ANKRD13A: variants seen among roughly 807,000 people sequenced by gnomAD.
ANKRD13A encodes ankyrin repeat domain 13A.
ANKRD13A carries 48 observed loss-of-function variants against 81.3 expected under a neutral mutation model. That is an observed-to-expected ratio of 0.59 (90% confidence interval 0.47 to 0.75). ANKRD13A has a LOEUF of 0.75. Ranked by LOEUF, ANKRD13A falls within the 30% of genes least tolerant of loss-of-function variation. The pLI is 0.00. For synonymous variants in ANKRD13A, 230 were observed against 270.1 expected, an observed-to-expected ratio of 0.85 and a Z score of 1.45; for missense variants, 612 against 734.0, an observed-to-expected ratio of 0.83 and a Z score of 1.92.
chr12:110,035,371 A>G (rs1891971059), intron 13 of ANKRD13A, among the ~76,000 whole-genome samples: 1 of 152,156 alleles, frequency 6.6e-6, no homozygotes, highest in African/African-American at 2.4e-5. Flanking sequence ...TTGGGAAGCC[A>G]AGATGGGAGG....
At position 110,018,536 on chromosome 12, in the gene ANKRD13A, G is replaced by C; in HGVS notation, c.544+48G>C. 1 of 1,587,486 alleles carries C rather than the reference G, an allele frequency of 6.3e-7. No homozygotes were observed. Among genetic ancestry groups the C allele is most frequent in the Non-Finnish European group, 8.6e-7 (1 of 1,162,118 alleles). ...ATCACTGCTCAAGCAAAATTACAGG[G>C]TGATTTTTAACCAAGAAAATGCTTT... On this transcript the variant is annotated intron_variant, in intron 5 of 14. Coordinates refer to ENST00000261739, the MANE Select transcript of ANKRD13A (RefSeq NM_033121.2). The surrounding 1 kb of genome is among the most constrained non-coding windows in gnomAD (Gnocchi z 4.4).
At chr12:110,007,678 C>T (rs1410928293) in intron 1 of ANKRD13A, among the ~76,000 whole-genome samples, 2 of 152,236 alleles carry the variant, frequency 1.3e-5, no homozygotes, top group East Asian at 1.9e-4. Context: ...CCACACCAGG[C>T]CAGTTCTTCT....
At chr12:110,026,327 A>G (rs1057372115) in intron 8 of ANKRD13A, among the ~76,000 whole-genome samples, 1 of 151,466 alleles carries the variant, frequency 6.6e-6, no homozygotes, top group African/African-American at 2.4e-5. Context: ...TAATCCCAAC[A>G]CTTTGGGAGG....
Position 110,026,593 on chromosome 12 carries a change from A to T in ANKRD13A, c.883+770A>T, listed in dbSNP as rs77145654. The stretch of plus-strand genomic sequence containing the variant: ...ACTCCATCTCAAAAAAAAAAAAAAA[A>T]TTTCCTGGCTGAGCACGGTGGCTCA... On this transcript the variant is annotated intron_variant, in intron 8 of 14. Coordinates refer to ENST00000261739, the MANE Select transcript of ANKRD13A (RefSeq NM_033121.2). Among the ~76,000 whole-genome samples the T allele has an allele frequency of 3.9e-4, 57 of 147,024 alleles. No individual in the cohort carries two copies. In the South Asian group the frequency reaches 0.012, roughly 30 times the overall value.
intron 13 of ANKRD13A, among the ~76,000 whole-genome samples, chr12:110,034,183 C>A (rs1352828693): frequency 6.6e-6 from 1 of 152,232 alleles, no homozygotes; most frequent in Non-Finnish European, 1.5e-5. Context: ...TGTCTTCAGG[C>A]AGACTTTCCT....
Position 110,033,794 on chromosome 12 carries a change from C to A in ANKRD13A, c.1349-3C>A. The A allele has an allele frequency of 6.3e-7, 1 of 1,589,962 alleles. No homozygotes were observed. The highest frequency in any genetic ancestry group is 8.6e-7 in the Non-Finnish European group (1 of 1,165,832). On this transcript the variant is annotated splice_region_variant and splice_polypyrimidine_tract_variant and intron_variant, in intron 12 of 14. Coordinates refer to ENST00000261739, the MANE Select transcript of ANKRD13A (RefSeq NM_033121.2). ...GACACTGGACGGTTGCCTTTTGTTT[C>A]AGCTTCCCACATCACAAACTTTGAG...
chr12:110,028,391 G>C, intron 9 of ANKRD13A, 121 bp from the exon 10 acceptor site: 1 of 1,152,074 alleles, frequency 8.7e-7, no homozygotes, highest in Admixed American at 2.4e-5. Context: ...AAAAAAGTTA[G>C]TGAATAGAAC....
At position 110,025,896 on chromosome 12, in the gene ANKRD13A, CTGTTAAG is replaced by C. The variant is rs942406465; in HGVS notation, c.883+75_883+81del. ...GCCTAGAGGGAACTCTTTGTTGGCT[CTGTTAAG>C]TTTAGGGTTAATGTGATTGGGTTGT... On this transcript the variant is annotated intron_variant, in intron 8 of 14. Transcript: ENST00000261739. 2.2e-4 allele frequency: 300 copies of C among 1,344,984 alleles called. 6 individuals are homozygous for C. In the South Asian group the frequency reaches 2.5e-3, roughly 11 times the overall value. The allele number at this position is 1,344,984 out of a possible 1,614,324, so 83.3% of individuals were successfully genotyped here.
chr12:110,035,538 C>T (rs1157565773), intron 13 of ANKRD13A, among the ~76,000 whole-genome samples: 1 of 152,044 alleles, frequency 6.6e-6, no homozygotes, highest in Admixed American at 6.5e-5. Context: ...CAGCCTCTGC[C>T]TCCCAGGTTC....
At chr12:110,000,127 G>T (rs1182940603) in intron 1 of ANKRD13A, among the ~76,000 whole-genome samples, 3 of 152,182 alleles carry the variant, frequency 2.0e-5, no homozygotes, top group African/African-American at 7.2e-5. Flanking sequence ...GGGCCGGCTG[G>T]CTCCGGAATG....
Position 110,019,250 on chromosome 12 carries a change from A to G in ANKRD13A, c.656A>G (p.Lys219Arg). The G allele has an allele frequency of 1.9e-6, 3 of 1,614,174 alleles. No individual in the cohort carries two copies. Among genetic ancestry groups the G allele is most frequent in the Non-Finnish European group, 2.5e-6 (3 of 1,180,002 alleles). Residue 219 changes from lysine to arginine, a missense_variant, in exon 6 of 15, where the codon AAA becomes AGA. Physicochemically the swap from Lys to Arg is conservative, Grantham distance 26. Coordinates refer to ENST00000261739, the MANE Select transcript of ANKRD13A (RefSeq NM_033121.2). ...CTCACTCTGGACTTGATGAAGCCAA[A>G]AAGCAGGGAAGTTGAGCGGCGGCTC... ...ERLTLDLMKP[K>R]SREVERRLTS...
At position 110,015,957 on chromosome 12, in the gene ANKRD13A, T is replaced by C. The variant is rs557709056; in HGVS notation, c.355-431T>C. On this transcript the variant is annotated intron_variant, in intron 3 of 14. Transcript: ENST00000261739. The stretch of plus-strand genomic sequence containing the variant: ...GCTTACACTTGTTTTTTCTTTCTTT[T>C]TTTTTTTTTTTCCATACAGTATCTC... 1.6e-3 allele frequency among the ~76,000 whole-genome samples: 237 copies of C among 151,608 alleles called. 1 individual carries two copies. Among genetic ancestry groups the C allele is most frequent in the African/African-American group, 4.5e-3 (186 of 41,386 alleles).
At chr12:110,005,236 G>A (rs879317822) in intron 1 of ANKRD13A, among the ~76,000 whole-genome samples, 1 of 151,488 alleles carries the variant, frequency 6.6e-6, no homozygotes, top group African/African-American at 2.4e-5. Flanking sequence ...TGACCTTCTC[G>A]GCTTAAGCAA....
At chr12:110,006,513 T>A (rs1262332368) in intron 1 of ANKRD13A, among the ~76,000 whole-genome samples, 2 of 152,222 alleles carry the variant, frequency 1.3e-5, no homozygotes, top group African/African-American at 4.8e-5. Context: ...ATTTGACTTG[T>A]TGAGTTGTAA....
chr12:110,002,101 CT>C (rs1297413116), intron 1 of ANKRD13A, among the ~76,000 whole-genome samples: 1 of 152,160 alleles, frequency 6.6e-6, no homozygotes, highest in Non-Finnish European at 1.5e-5. Flanking sequence ...TTCTTAACCC[CT>C]ACTATACTTC....
Position 110,033,834 on chromosome 12 carries a change from G to T in ANKRD13A, c.1386G>T (p.Val462=), listed in dbSNP as rs755903359. ...HITNFEVDQS[V]FEIPESYYVQ... is the part of the protein sequence containing the mutation. Reference sequence around the variant, plus strand: ...CAAACTTTGAGGTTGATCAATCTGTGTTTGAAATTCCCGAATCTTACTATG... The same window carrying T: ...CAAACTTTGAGGTTGATCAATCTGTTTTTGAAATTCCCGAATCTTACTATG... The change falls in exon 13 of 15, where the codon GTG becomes GTT. Residue 462 remains valine, a synonymous_variant. Transcript: ENST00000261739. 8 of 1,609,864 alleles carry T rather than the reference G, an allele frequency of 5.0e-6. No individual in the cohort carries two copies. Among genetic ancestry groups the T allele is most frequent in the Non-Finnish European group, 6.8e-6 (8 of 1,178,126 alleles).
At chr12:110,017,381 T>C (rs569828151) in intron 4 of ANKRD13A, among the ~76,000 whole-genome samples, 1 of 152,220 alleles carries the variant, frequency 6.6e-6, no homozygotes, top group Non-Finnish European at 1.5e-5. Flanking sequence ...CTCTAAAGTA[T>C]TACGTAGGCA....
chr12:110,031,539 CTG>C (rs1283122305), intron 12 of ANKRD13A, among the ~76,000 whole-genome samples: 3 of 152,082 alleles, frequency 2.0e-5, no homozygotes, highest in Non-Finnish European at 4.4e-5. Flanking sequence ...TTATTAGAGA[CTG>C]GGTTTCACCA....
At position 110,018,557 on chromosome 12, in the gene ANKRD13A, G is replaced by A; in HGVS notation, c.544+69G>A. On this transcript the variant is annotated intron_variant, in intron 5 of 14. Transcript: ENST00000261739. The surrounding 1 kb of genome is among the most constrained non-coding windows in gnomAD (Gnocchi z 4.4). ...CAGGGTGATTTTTAACCAAGAAAAT[G>A]CTTTCACATTCATGTGACTTTTCTG... is the stretch of plus-strand genomic sequence containing the variant. The A allele has an allele frequency of 2.6e-6, 4 of 1,554,014 alleles. No homozygotes were observed. The highest frequency in any genetic ancestry group is 1.4e-5 in the African/African-American group (1 of 73,192).
Sources: allele counts gnomAD v4.1 joint callset (sites outside exome capture counted in the v4.1 genomes callset), GRCh38; gene constraint gnomAD v4.1.1; non-coding constraint Gnocchi (gnomAD v3.1); transcripts MANE v1.5; gene names NCBI Gene and HGNC (gene_info 2026-07-23, HGNC 2026-07-21).